The following CAMK1D variants were observed in gnomAD, a reference collection of about 807,000 sequenced individuals.
CAMK1D encodes the protein calcium/calmodulin-dependent protein kinase type 1D.
A neutral mutation model predicts 47.7 loss-of-function variants in CAMK1D; 9 were observed. The observed-to-expected ratio is 0.19, with a 90% CI of 0.11 to 0.33. CAMK1D has a LOEUF of 0.33. Among genes scored for constraint, CAMK1D ranks in the 10% least tolerant of loss-of-function variants. The pLI, the probability that CAMK1D is intolerant of heterozygous loss-of-function variation, is 1.00. For synonymous variants in CAMK1D, 184 were observed against 184.9 expected (o/e 0.99, Z 0.04); for missense variants, 291 against 488.7 (o/e 0.60, Z 3.81).
chr10:12,422,461 A>G (rs1840087440), intron 1 of CAMK1D, among the ~76,000 whole-genome samples: 1 of 152,162 alleles, frequency 6.6e-6, no homozygotes, highest in South Asian at 2.1e-4. Flanking sequence ...GCCACCTGAG[A>G]ACAGGTCTTA....
Position 12,812,365 on chromosome 10 carries a change from C to A in CAMK1D, c.642-1830C>A, listed in dbSNP as rs11258008. On this transcript the variant is annotated intron_variant, in intron 6 of 10. Transcript: ENST00000619168. ...GCTCAGTGGCTCACACCTGTAATCC[C>A]AGCACTTTGGGAGGCCGAGGAGGGT... Among the ~76,000 whole-genome samples the A allele has an allele frequency of 3.3e-5, 5 of 152,294 alleles. No homozygotes were observed. The East Asian group carries it at 9.7e-4, about 29-fold the overall frequency.
intron 8 of CAMK1D, among the ~76,000 whole-genome samples, chr10:12,822,405 C>T (rs1166153239): frequency 6.6e-6 from 1 of 152,202 alleles, no homozygotes; most frequent in Non-Finnish European, 1.5e-5. Flanking sequence ...TGAAGCATTC[C>T]TAAAATAATT....
At chr10:12,438,992 T>C (rs1431682300) in intron 1 of CAMK1D, among the ~76,000 whole-genome samples, 1 of 152,242 alleles carries the variant, frequency 6.6e-6, no homozygotes, top group Admixed American at 6.5e-5. Context: ...ACCTCAGCTT[T>C]CTGGTGCAGG....
At chr10:12,488,960 G>A (rs1056041906) in intron 1 of CAMK1D, among the ~76,000 whole-genome samples, 2 of 152,104 alleles carry the variant, frequency 1.3e-5, no homozygotes, top group Admixed American at 1.3e-4. Flanking sequence ...TTTTGACATG[G>A]AGTCTCGCTC....
In CAMK1D at chr10:12,375,849, C is replaced by T. The variant is rs552865108; in HGVS notation, c.92+25939C>T. Among the ~76,000 whole-genome samples the T allele has an allele frequency of 3.9e-5, 6 of 152,082 alleles. No individual in the cohort carries two copies. The South Asian group carries it at 1.0e-3, about 26-fold the overall frequency. On this transcript the variant is annotated intron_variant, in intron 1 of 10. Transcript: ENST00000619168. Reference sequence around the variant, plus strand: ...TTTTGCAGTTTTAGGACTTTTGGTCCGTATGCCGATTTCTCTAAAACCAGA... The same window carrying T: ...TTTTGCAGTTTTAGGACTTTTGGTCTGTATGCCGATTTCTCTAAAACCAGA...
At chr10:12,690,404 A>G (rs548730988) in intron 3 of CAMK1D, among the ~76,000 whole-genome samples, 1 of 152,284 alleles carries the variant, frequency 6.6e-6, no homozygotes, top group South Asian at 2.1e-4. Context: ...CACAGCCTGT[A>G]GAAGGGAGGG....
intron 2 of CAMK1D, among the ~76,000 whole-genome samples, chr10:12,631,420 G>A (rs964656670): frequency 2.6e-5 from 4 of 152,116 alleles, no homozygotes; most frequent in Non-Finnish European, 5.9e-5. Flanking sequence ...AACTATCCCT[G>A]GGCAACTTCC....
chr10:12,531,632 G>A (rs766930652), intron 1 of CAMK1D, among the ~76,000 whole-genome samples: 34 of 152,234 alleles, frequency 2.2e-4, no homozygotes, highest in Middle Eastern at 3.2e-3. Context: ...CAGAAAGAGC[G>A]TGGGATGGTG....
chr10:12,770,365 G>A (rs190355179), intron 5 of CAMK1D, among the ~76,000 whole-genome samples: 5 of 152,260 alleles, frequency 3.3e-5, no homozygotes, highest in South Asian at 2.1e-4. Flanking sequence ...AACTACTGAC[G>A]GATCTGAACA....
chr10:12,633,695 C>T (rs932434519), intron 2 of CAMK1D, among the ~76,000 whole-genome samples: 2 of 151,854 alleles, frequency 1.3e-5, no homozygotes, highest in Non-Finnish European at 1.5e-5. Flanking sequence ...TAGCTGGGAC[C>T]ACAGGCACGC....
chr10:12,757,633 A>G (rs1393000951), intron 3 of CAMK1D, among the ~76,000 whole-genome samples: 1 of 152,144 alleles, frequency 6.6e-6, no homozygotes, highest in Non-Finnish European at 1.5e-5. Context: ...TGCCACAACA[A>G]AATACCATAT....
At chr10:12,632,879 G>C (rs1416774842) in intron 2 of CAMK1D, among the ~76,000 whole-genome samples, 5 of 152,092 alleles carry the variant, frequency 3.3e-5, no homozygotes. Flanking sequence ...ATTTTTAATA[G>C]AGACGAGGTT....
chr10:12,354,426 C>A (rs1837439916), intron 1 of CAMK1D, among the ~76,000 whole-genome samples: 1 of 150,810 alleles, frequency 6.6e-6, no homozygotes, highest in South Asian at 2.1e-4. Context: ...ATTTTCTTTT[C>A]TTTTCTTTTT....
chr10:12,765,149 C>T (rs1022584337), intron 4 of CAMK1D, among the ~76,000 whole-genome samples: 4 of 152,164 alleles, frequency 2.6e-5, no homozygotes, highest in Non-Finnish European at 4.4e-5. Context: ...TTCTTCTAAT[C>T]TCCTGCTTCA....
chr10:12,757,224 C>T (rs936294616), intron 3 of CAMK1D, among the ~76,000 whole-genome samples: 6 of 152,086 alleles, frequency 3.9e-5, no homozygotes, highest in Non-Finnish European at 8.8e-5. Context: ...TCAGCCGTCC[C>T]GGCCTCCCAA....
intron 2 of CAMK1D, among the ~76,000 whole-genome samples, chr10:12,576,242 T>C (rs1385137095): frequency 6.6e-6 from 1 of 152,190 alleles, no homozygotes; most frequent in Non-Finnish European, 1.5e-5. Flanking sequence ...AATTTATAAA[T>C]TAATGTATCT....
intron 1 of CAMK1D, among the ~76,000 whole-genome samples, chr10:12,431,381 A>AGGTGGGTCTGGGTGAGCT (rs1832470427): frequency 6.6e-6 from 1 of 152,150 alleles, no homozygotes; most frequent in Admixed American, 6.5e-5. Context: ...CCGGGTGCAC[A>AGGTGGGTCTGGGTGAGCT]GGTGGGTCTG....
At position 12,796,259 on chromosome 10, in the gene CAMK1D, G is replaced by A. The variant is rs576657592; in HGVS notation, c.641+5026G>A. Among the ~76,000 whole-genome samples the A allele has an allele frequency of 4.2e-4, 64 of 152,312 alleles. 1 individual carries two copies. The highest frequency in any genetic ancestry group is 1.5e-3 in the African/African-American group (62 of 41,566). ...ACGTCAGAGGCACAAGAGCAGGCTG[G>A]ACGGGTGGGCTGAACTTGGCCATGG... On this transcript the variant is annotated intron_variant, in intron 6 of 10. Coordinates refer to ENST00000619168, the MANE Select transcript of CAMK1D (RefSeq NM_153498.4).
chr10:12,460,328 A>G (rs1360919109), intron 1 of CAMK1D, among the ~76,000 whole-genome samples: 1 of 150,654 alleles, frequency 6.6e-6, no homozygotes, highest in African/African-American at 2.4e-5. Context: ...TGGTGTGATC[A>G]TATCTCCCTG....
Sources: allele counts gnomAD v4.1 joint callset (sites outside exome capture counted in the v4.1 genomes callset), GRCh38; gene constraint gnomAD v4.1.1; transcripts MANE v1.5; gene names NCBI Gene and HGNC (gene_info 2026-07-23, HGNC 2026-07-21).